Variants in SAE1 observed in about 807,000 individuals in gnomAD.
The protein encoded by SAE1 is SUMO-activating enzyme subunit 1.
In SAE1, 11 loss-of-function variants were observed where a neutral mutation model predicts 40.6. The ratio of observed to expected loss-of-function variants is 0.27; its 90% confidence interval spans 0.17 to 0.45. SAE1 has a LOEUF of 0.45. Ranked by LOEUF, SAE1 falls within the 20% of genes least tolerant of loss-of-function variation. The probability of loss-of-function intolerance (pLI) is 1.00; values close to 1 mark genes in which losing one functional copy is unlikely to be tolerated. For synonymous variants in SAE1, 155 were observed against 154.3 expected (o/e 1.00, Z -0.03); for missense variants, 373 against 427.3 (o/e 0.87, Z 1.12).
chr19:47,147,645 G>A (rs1394907992), intron 2 of SAE1, among the ~76,000 whole-genome samples: 2 of 151,432 alleles, frequency 1.3e-5, no homozygotes, highest in African/African-American at 4.8e-5. Context: ...TAGAGATGGG[G>A]TTTCACCATG....
At chr19:47,182,442 G>A (rs2058512383) in intron 6 of SAE1, among the ~76,000 whole-genome samples, 1 of 148,596 alleles carries the variant, frequency 6.7e-6, no homozygotes, top group African/African-American at 2.5e-5. Flanking sequence ...AAAATAATTT[G>A]TAAGGAAAAA....
At chr19:47,136,958 C>T (rs1447489561) in intron 1 of SAE1, among the ~76,000 whole-genome samples, 2 of 152,074 alleles carry the variant, frequency 1.3e-5, no homozygotes, top group Admixed American at 6.6e-5. Flanking sequence ...ACTGGAGTTC[C>T]TTTATGAAAC....
chr19:47,168,185 C>T (rs1180312291), intron 5 of SAE1, among the ~76,000 whole-genome samples: 1 of 151,222 alleles, frequency 6.6e-6, no homozygotes, highest in East Asian at 1.9e-4. Context: ...GAGGGGGAGA[C>T]TGTCTGGAAA....
intron 6 of SAE1, among the ~76,000 whole-genome samples, chr19:47,192,811 G>T (rs1170909438): frequency 1.3e-5 from 2 of 151,920 alleles, no homozygotes; most frequent in Non-Finnish European, 2.9e-5. Flanking sequence ...AAGTGCTGGG[G>T]TTACAGGTGT....
chr19:47,153,360 CCT>C (rs2058299288), intron 4 of SAE1, among the ~76,000 whole-genome samples: 1 of 152,264 alleles, frequency 6.6e-6, no homozygotes, highest in East Asian at 1.9e-4. Flanking sequence ...CAGAGAGACT[CCT>C]CTGGTAGAAC....
rs565950160 is a variant in SAE1 at position 47,206,487 on chromosome 19, G to A, written c.949-2672G>A. Among the ~76,000 whole-genome samples the A allele has an allele frequency of 5.3e-5, 8 of 152,262 alleles. No homozygotes were observed. In the East Asian group the frequency reaches 7.7e-4, roughly 15 times the overall value. ...CTGCTCCTTTGGAATCATCTTTTGC[G>A]TCTTTCCTTTCTTACGTCCTTCTAG... is the stretch of plus-strand genomic sequence containing the variant. On this transcript the variant is annotated intron_variant, in intron 8 of 8. Coordinates refer to ENST00000270225, the MANE Select transcript of SAE1 (RefSeq NM_005500.3).
intron 6 of SAE1, among the ~76,000 whole-genome samples, chr19:47,181,146 A>G (rs145244833): frequency 0.011 from 1,685 of 152,042 alleles, 27 homozygotes; most frequent in African/African-American, 0.039. Context: ...GAGAAACCCC[A>G]TCTCTACTAA....
At chr19:47,167,475 T>C (rs914247555) in intron 5 of SAE1, among the ~76,000 whole-genome samples, 2 of 146,968 alleles carry the variant, frequency 1.4e-5, no homozygotes, top group African/African-American at 2.5e-5. Context: ...CTCCTGACCT[T>C]GTGATCTGCC....
At chr19:47,207,994 A>G (rs2123332855) in intron 8 of SAE1, among the ~76,000 whole-genome samples, 1 of 151,988 alleles carries the variant, frequency 6.6e-6, no homozygotes, top group South Asian at 2.1e-4. Flanking sequence ...CACCATTGCC[A>G]TTGCTAAATA....
At chr19:47,176,831 T>C (rs933609568) in intron 6 of SAE1, among the ~76,000 whole-genome samples, 4 of 152,232 alleles carry the variant, frequency 2.6e-5, no homozygotes, top group Non-Finnish European at 5.9e-5. Context: ...GCAAAAGGTC[T>C]CTTCTTTTTA....
chr19:47,154,776 G>A (rs188257782), intron 4 of SAE1, among the ~76,000 whole-genome samples: 93 of 152,304 alleles, frequency 6.1e-4, no homozygotes, highest in Non-Finnish European at 1.0e-3. Flanking sequence ...GATTACAGGC[G>A]TGAGCCACTG....
chr19:47,153,567 A>G (rs1483591443), intron 4 of SAE1, among the ~76,000 whole-genome samples: 1 of 152,088 alleles, frequency 6.6e-6, no homozygotes, highest in Non-Finnish European at 1.5e-5. Flanking sequence ...CCAACTTGCT[A>G]ATTGAGAGGG....
In SAE1 at chr19:47,163,478, A is replaced by C. The variant is rs1295207441; in HGVS notation, c.628-6340A>C. 2.6e-5 allele frequency among the ~76,000 whole-genome samples: 4 copies of C among 152,154 alleles called. No homozygotes were observed. In the East Asian group the frequency reaches 5.8e-4, roughly 22 times the overall value. ...CGCAGTGCCTCACGCCTGAAATCCC[A>C]GCACTTTGGGAGGCCAAGGCGGGTG... On this transcript the variant is annotated intron_variant, in intron 5 of 8. Coordinates refer to ENST00000270225, the MANE Select transcript of SAE1 (RefSeq NM_005500.3).
chr19:47,156,304 A>C (rs1197595857), intron 5 of SAE1, among the ~76,000 whole-genome samples: 1 of 150,392 alleles, frequency 6.6e-6, no homozygotes. Flanking sequence ...AATTTTTTGT[A>C]TTTTCTCTAC....
Position 47,209,415 on chromosome 19 carries a change from C to T in SAE1, c.*164C>T, listed in dbSNP as rs2058702351. 2 of 1,216,770 alleles carry T rather than the reference C, an allele frequency of 1.6e-6. No homozygotes were observed. The highest frequency in any genetic ancestry group is 4.5e-5 in the Admixed American group (2 of 44,130). 75.4% of individuals were successfully genotyped at this position (1,216,770 alleles called of 1,614,324 possible). On this transcript the variant is annotated 3_prime_UTR_variant, in exon 9 of 9. Transcript: ENST00000270225. The stretch of plus-strand genomic sequence containing the variant: ...GAGGTGGTGCCGACGTGCTGCTTCC[C>T]ATCACCAGCAGCTGCTCGACAAGGG...
intron 6 of SAE1, among the ~76,000 whole-genome samples, chr19:47,171,641 TG>T (rs2058434139): frequency 6.6e-6 from 1 of 152,050 alleles, no homozygotes. Flanking sequence ...TTAGTATTTT[TG>T]TATTTTTTTT....
At position 47,209,310 on chromosome 19, in the gene SAE1, T is replaced by A; in HGVS notation, c.*59T>A. ...GCAGCATGCCCACCTGTATTCCCTGTCCCCTTCCTTCATGAAGGCATCTCC... is the reference window on the plus strand; with the variant it reads ...GCAGCATGCCCACCTGTATTCCCTGACCCCTTCCTTCATGAAGGCATCTCC... On this transcript the variant is annotated 3_prime_UTR_variant, in exon 9 of 9. Coordinates refer to ENST00000270225, the MANE Select transcript of SAE1 (RefSeq NM_005500.3). 2 of 1,612,310 alleles carry A rather than the reference T, an allele frequency of 1.2e-6. No homozygotes were observed. The highest frequency in any genetic ancestry group is 1.7e-6 in the Non-Finnish European group (2 of 1,179,042).
intron 6 of SAE1, among the ~76,000 whole-genome samples, chr19:47,173,972 G>A (rs1385274072): frequency 1.3e-5 from 2 of 151,862 alleles, no homozygotes; most frequent in African/African-American, 2.4e-5. Context: ...TTTTAGTAGA[G>A]ACGGGGTTTC....
rs566793857 is a variant in SAE1, at chr19:47,207,502, A to G, written c.949-1657A>G. ...AATGGTAGCTTGTGGTGAAATTTCAATCCTTTCTGGGTTAAGGACCTGTTT... is the reference window on the plus strand; with the variant it reads ...AATGGTAGCTTGTGGTGAAATTTCAGTCCTTTCTGGGTTAAGGACCTGTTT... On this transcript the variant is annotated intron_variant, in intron 8 of 8. Coordinates refer to ENST00000270225, the MANE Select transcript of SAE1 (RefSeq NM_005500.3). Among the ~76,000 whole-genome samples the G allele has an allele frequency of 3.9e-5, 6 of 152,212 alleles. No individual in the cohort carries two copies. The East Asian group carries it at 9.7e-4, about 25-fold the overall frequency.
Sources: gnomAD v4.1 joint callset for allele counts (sites outside exome capture counted in the v4.1 genomes callset) on GRCh38, gnomAD v4.1.1 for gene constraint, MANE v1.5 for transcripts, NCBI Gene and HGNC (gene_info 2026-07-23, HGNC 2026-07-21) for gene names.